GPHN: variants seen among roughly 807,000 people sequenced by gnomAD.
GPHN encodes gephyrin.
GPHN carries 17 observed loss-of-function variants against 95.5 expected under a neutral mutation model. The ratio of observed to expected loss-of-function variants is 0.18; its 90% CI spans 0.12 to 0.27. The LOEUF (loss-of-function observed/expected upper bound fraction) is 0.27. Among genes scored for constraint, GPHN ranks in the 10% least tolerant of loss-of-function variants. The pLI is 1.00. For missense variants in GPHN, 660 were observed against 978.1 expected (o/e 0.67, Z 4.34); for synonymous variants, 320 against 322.5 (o/e 0.99, Z 0.08).
intron 21 of GPHN, among the ~76,000 whole-genome samples, chr14:67,172,253 G>A (rs1037044715): frequency 1.3e-5 from 2 of 151,998 alleles, no homozygotes; most frequent in South Asian, 2.1e-4. Context: ...CCAGCCCGCC[G>A]CCCGCCGCAT....
chr14:66,734,173 G>A lies in GPHN; in HGVS notation c.144-42291G>A, dbSNP rs908898288. Among the ~76,000 whole-genome samples, 3 of 152,020 alleles carry A rather than the reference G, an allele frequency of 2.0e-5. No individual in the cohort carries two copies. The East Asian group carries it at 5.8e-4, about 29-fold the overall frequency. On this transcript the variant is annotated intron_variant, in intron 2 of 22. Coordinates refer to ENST00000478722, the MANE Select transcript of GPHN (RefSeq NM_020806.5). ...TTTTATTAACCGTAAATCAGACCAT[G>A]ACATTTTTCTTCTTAAAACCTTGGT...
the GPHN span, among the ~76,000 whole-genome samples, chr14:67,537,381 A>AT: frequency 0.053 from 5,168 of 98,288 alleles, 189 homozygotes; most frequent in African/African-American, 0.07. Flanking sequence ...AATAATAATA[A>AT]AAACTTAATC....
At position 66,508,351 on chromosome 14, in the gene GPHN, C is replaced by T. The variant is rs1297095283; in HGVS notation, c.-177C>T. ...GCGGACCCGCGCACTCCCGGCGCGGCCTCTCCCCCACGCAGGCCACCGTGC... is the reference window on the plus strand; with the variant it reads ...GCGGACCCGCGCACTCCCGGCGCGGTCTCTCCCCCACGCAGGCCACCGTGC... On this transcript the variant is annotated 5_prime_UTR_variant, in exon 1 of 23. Coordinates refer to ENST00000478722, the MANE Select transcript of GPHN (RefSeq NM_020806.5). 4.6e-6 allele frequency: 3 copies of T among 658,660 alleles called. No homozygotes were observed. Among genetic ancestry groups the T allele is most frequent in the African/African-American group, 3.6e-5 (2 of 55,602 alleles). The allele number at this position is 658,660 out of a possible 1,614,324, so 40.8% of individuals were successfully genotyped here.
At chr14:67,510,429 C>G in the GPHN span, among the ~76,000 whole-genome samples, 3 of 152,322 alleles carry the variant, frequency 2.0e-5, no homozygotes, top group South Asian at 2.1e-4. Flanking sequence ...GGTATCTGAT[C>G]ACATCCAAGT....
At chr14:67,296,262 C>A in the GPHN span, among the ~76,000 whole-genome samples, 169 of 152,194 alleles carry the variant, frequency 1.1e-3, 5 homozygotes, top group East Asian at 0.031. Context: ...GAAAGCCTGG[C>A]AAATTTCTTG....
chr14:67,729,292 T>A, the GPHN span: 1 of 1,604,088 alleles, frequency 6.2e-7, no homozygotes, highest in Middle Eastern at 2.2e-4. Context: ...CTTCTCCCCC[T>A]TTGTCAAGAC....
the GPHN span, chr14:67,411,961 G>C: frequency 4.8e-6 from 7 of 1,456,814 alleles, no homozygotes; most frequent in Non-Finnish European, 6.5e-6. Flanking sequence ...CCGCTCTAGG[G>C]AGCCGCGTCG....
At chr14:66,952,790 G>T (rs1173099965) in intron 8 of GPHN, among the ~76,000 whole-genome samples, 1 of 152,118 alleles carries the variant, frequency 6.6e-6, no homozygotes, top group Non-Finnish European at 1.5e-5. Context: ...AGCCTCCCGG[G>T]TTCAAGTGAT....
chr14:67,688,598 C>CT, the GPHN span, among the ~76,000 whole-genome samples: 34,986 of 136,482 alleles, frequency 0.26, 5,315 homozygotes, highest in Non-Finnish European at 0.34. Flanking sequence ...GCTTTGAACT[C>CT]TTTTTTTTTT....
At chr14:67,409,622 A>C in the GPHN span, among the ~76,000 whole-genome samples, 3 of 151,978 alleles carry the variant, frequency 2.0e-5, no homozygotes, top group East Asian at 5.8e-4. Context: ...AGCCAGGCCC[A>C]GTGAGCTCCT....
At chr14:67,030,734 T>C (rs2074152838) in intron 10 of GPHN, among the ~76,000 whole-genome samples, 1 of 152,130 alleles carries the variant, frequency 6.6e-6, no homozygotes, top group Admixed American at 6.6e-5. Context: ...TTCTGTCTTC[T>C]CCACTGTCCT....
chr14:66,585,954 C>G (rs2061402170), intron 1 of GPHN, among the ~76,000 whole-genome samples: 1 of 152,098 alleles, frequency 6.6e-6, no homozygotes, highest in East Asian at 1.9e-4. Flanking sequence ...TGTTAACTTT[C>G]TGTCTCGTTG....
chr14:67,520,144 G>A, the GPHN span, among the ~76,000 whole-genome samples: 1 of 152,166 alleles, frequency 6.6e-6, no homozygotes, highest in African/African-American at 2.4e-5. Context: ...TCCCCCACCA[G>A]AGTCGTATAT....
chr14:66,965,074 A>C, intron 8 of GPHN, 117 bp from the exon 9 acceptor site: 1 of 828,488 alleles, frequency 1.2e-6, no homozygotes, highest in Admixed American at 1.7e-5. Context: ...CCTAACAGTA[A>C]GTGACACCAA....
At position 66,978,986 on chromosome 14, in the gene GPHN, A is replaced by G. The variant is rs74334134; in HGVS notation, c.963+13661A>G. 3.1e-3 allele frequency among the ~76,000 whole-genome samples: 474 copies of G among 152,348 alleles called. 11 individuals are homozygous for G. Among genetic ancestry groups the G allele is most frequent in the African/African-American group, 0.011 (449 of 41,586 alleles). Reference sequence around the variant, plus strand: ...TCTTGGATGACTAGGTACAATGTCAATGAATACTTATATTTTGAAAGGAAT... The same window carrying G: ...TCTTGGATGACTAGGTACAATGTCAGTGAATACTTATATTTTGAAAGGAAT... On this transcript the variant is annotated intron_variant, in intron 9 of 22. Transcript: ENST00000478722.
intron 3 of GPHN, chr14:66,823,244 C>A (rs1250514341): frequency 6.6e-6 from 1 of 152,198 alleles, no homozygotes; most frequent in Admixed American, 6.5e-5. Context: ...TTACGTGATC[C>A]ACCCGCCTCG....
At chr14:67,106,992 T>C (rs2078077155) in intron 13 of GPHN, among the ~76,000 whole-genome samples, 1 of 152,188 alleles carries the variant, frequency 6.6e-6, no homozygotes, top group Admixed American at 6.5e-5. Flanking sequence ...AGTTGGGCTT[T>C]AGTGTGTTGG....
chr14:67,555,515 T>C, the GPHN span, among the ~76,000 whole-genome samples: 2 of 152,066 alleles, frequency 1.3e-5, no homozygotes, highest in African/African-American at 2.4e-5. Context: ...CAGGGTGGGA[T>C]GCTCAGGAAG....
At chr14:67,645,578 G>C in the GPHN span, 1 of 1,553,754 alleles carries the variant, frequency 6.4e-7, no homozygotes, top group African/African-American at 1.4e-5. Context: ...TTTTGGCTGA[G>C]GACGTTTGTT....
Sources: gnomAD v4.1 joint callset for allele counts (sites outside exome capture counted in the v4.1 genomes callset) on GRCh38, gnomAD v4.1.1 for gene constraint, MANE v1.5 for transcripts, NCBI Gene and HGNC (gene_info 2026-07-23, HGNC 2026-07-21) for gene names.